ANKS1B: variants seen among roughly 807,000 people sequenced by gnomAD.
ANKS1B encodes the protein ankyrin repeat and sterile alpha motif domain containing 1B.
Under a neutral mutation model 148.3 loss-of-function variants are expected in ANKS1B, and 36 were observed. The observed-to-expected ratio is 0.24, with a 90% CI of 0.19 to 0.32. ANKS1B has a LOEUF of 0.32. Among genes scored for constraint, ANKS1B ranks in the 10% least tolerant of loss-of-function variants. The pLI, the probability that ANKS1B is intolerant of heterozygous loss-of-function variation, is 1.00. For missense variants in ANKS1B, 1,157 were observed against 1,542.6 expected (o/e 0.75, Z 4.19); for synonymous variants, 542 against 560.8 (o/e 0.97, Z 0.47).
At chr12:99,825,282 G>A (rs754127889) in intron 2 of ANKS1B, 27 bp downstream of exon 2, 4 of 1,580,762 alleles carry the variant, frequency 2.5e-6, no homozygotes, top group South Asian at 2.3e-5. Context: ...AAATACACAC[G>A]ATTCCGTCCA....
At chr12:99,308,108 G>C (rs1281855609) in intron 12 of ANKS1B, among the ~76,000 whole-genome samples, 1 of 152,022 alleles carries the variant, frequency 6.6e-6, no homozygotes, top group Non-Finnish European at 1.5e-5. Context: ...CCTGGAGGTA[G>C]CTATTTGTTT....
At chr12:98,878,732 C>T (rs1178218291) in intron 17 of ANKS1B, among the ~76,000 whole-genome samples, 4 of 152,078 alleles carry the variant, frequency 2.6e-5, no homozygotes, top group East Asian at 1.9e-4. Flanking sequence ...ATTAAACTGA[C>T]GGGAGGCATG....
In ANKS1B at chr12:98,850,145, C is replaced by G. The variant is rs536485333; in HGVS notation, c.2779-18009G>C. On this transcript the variant is annotated intron_variant, in intron 17 of 26. Transcript: ENST00000683438. ...ACACACTATTTAAAACTCTTATCTT[C>G]ATTAAATGAAAAAAAATCAATTTCA... Among the ~76,000 whole-genome samples, 29 of 152,160 alleles carry G rather than the reference C, an allele frequency of 1.9e-4. No individual in the cohort carries two copies. The East Asian group carries it at 5.6e-3, about 29-fold the overall frequency.
chr12:99,941,423 C>T (rs1015166266), intron 1 of ANKS1B, among the ~76,000 whole-genome samples: 2 of 149,146 alleles, frequency 1.3e-5, no homozygotes, highest in African/African-American at 4.9e-5. Context: ...TCAAAGATAA[C>T]AAGGACCTGA....
chr12:99,312,942 T>C (rs1394707076), intron 12 of ANKS1B, among the ~76,000 whole-genome samples: 2 of 151,542 alleles, frequency 1.3e-5, no homozygotes, highest in East Asian at 3.9e-4. Context: ...CTGAAGGAGA[T>C]GGAAACATGA....
Position 99,572,909 on chromosome 12 carries a change from G to A in ANKS1B, c.1273-68268C>T, listed in dbSNP as rs115712607. Among the ~76,000 whole-genome samples the A allele has an allele frequency of 3.9e-3, 586 of 151,652 alleles. 5 individuals are homozygous for A. The highest frequency in any genetic ancestry group is 0.013 in the African/African-American group (534 of 41,370). On this transcript the variant is annotated intron_variant, in intron 9 of 26. Transcript: ENST00000683438. Reference sequence around the variant, plus strand: ...ATATGTATCGTGTTTACATTCTTACGGTATATTTTGAATGTGTTACATCAT... The same window carrying A: ...ATATGTATCGTGTTTACATTCTTACAGTATATTTTGAATGTGTTACATCAT...
chr12:99,358,408 C>T (rs770246480), intron 12 of ANKS1B, among the ~76,000 whole-genome samples: 7 of 152,012 alleles, frequency 4.6e-5, no homozygotes, highest in Non-Finnish European at 7.4e-5. Flanking sequence ...CATGTTGATG[C>T]TTCCCCTATA....
intron 12 of ANKS1B, among the ~76,000 whole-genome samples, chr12:99,387,309 C>T (rs990444790): frequency 2.6e-5 from 4 of 152,096 alleles, no homozygotes; most frequent in Admixed American, 6.5e-5. Flanking sequence ...CTCATGAAGG[C>T]GATTAGTGCC....
chr12:99,392,487 T>C (rs570352229), intron 12 of ANKS1B, among the ~76,000 whole-genome samples: 5 of 152,250 alleles, frequency 3.3e-5, no homozygotes, highest in African/African-American at 7.2e-5. Context: ...TCTCCTCCCA[T>C]CAGTTTTCTC....
At chr12:98,769,766 C>T (rs1334920370) in intron 25 of ANKS1B, among the ~76,000 whole-genome samples, 2 of 152,000 alleles carry the variant, frequency 1.3e-5, no homozygotes, top group African/African-American at 4.8e-5. Context: ...TATATATTAC[C>T]TTAAAAACCA....
chr12:99,430,446 A>C (rs1398123456), intron 11 of ANKS1B, among the ~76,000 whole-genome samples: 1 of 152,238 alleles, frequency 6.6e-6, no homozygotes, highest in African/African-American at 2.4e-5. Flanking sequence ...ATGTCTGGCA[A>C]GTAAGTGTAG....
At chr12:98,836,302 T>C (rs920327103) in intron 17 of ANKS1B, among the ~76,000 whole-genome samples, 3 of 152,206 alleles carry the variant, frequency 2.0e-5, no homozygotes, top group African/African-American at 7.2e-5. Flanking sequence ...GCTTATAGCA[T>C]TGTTAAAGCT....
chr12:98,845,435 G>C (rs553566921), intron 17 of ANKS1B, among the ~76,000 whole-genome samples: 2 of 152,250 alleles, frequency 1.3e-5, no homozygotes, highest in South Asian at 4.1e-4. Context: ...AAAAGTGGCT[G>C]ATTATTTTTC....
chr12:99,322,682 T>A (rs912546288), intron 12 of ANKS1B, among the ~76,000 whole-genome samples: 1 of 152,108 alleles, frequency 6.6e-6, no homozygotes, highest in African/African-American at 2.4e-5. Context: ...TGCTCTGAAG[T>A]CACCCAACTT....
At chr12:99,790,833 A>G (rs923209263) in intron 4 of ANKS1B, among the ~76,000 whole-genome samples, 6 of 152,078 alleles carry the variant, frequency 3.9e-5, no homozygotes, top group Admixed American at 3.9e-4. Flanking sequence ...ACTAAAAGGA[A>G]GACAGGAAGA....
intron 4 of ANKS1B, among the ~76,000 whole-genome samples, chr12:99,801,450 G>C (rs1220829278): frequency 6.6e-6 from 1 of 152,184 alleles, no homozygotes; most frequent in Non-Finnish European, 1.5e-5. Flanking sequence ...AAGAGGAGAA[G>C]CAGGAATTGA....
chr12:98,897,076 C>T (rs1287641835), intron 17 of ANKS1B, among the ~76,000 whole-genome samples: 1 of 152,192 alleles, frequency 6.6e-6, no homozygotes, highest in Non-Finnish European at 1.5e-5. Context: ...GTCTGCACTA[C>T]CTCTAGAGAA....
intron 17 of ANKS1B, among the ~76,000 whole-genome samples, chr12:98,845,621 C>T (rs1222182402): frequency 6.6e-6 from 1 of 152,040 alleles, no homozygotes; most frequent in East Asian, 1.9e-4. Context: ...TTTCCAAATC[C>T]TTAATGCCAG....
intron 1 of ANKS1B, among the ~76,000 whole-genome samples, chr12:99,967,732 C>T (rs1743693699): frequency 6.6e-6 from 1 of 151,684 alleles, no homozygotes; most frequent in Non-Finnish European, 1.5e-5. Context: ...CATGGTGAAA[C>T]GCCGTCTCTA....
Sources: gnomAD v4.1 joint callset for allele counts (sites outside exome capture counted in the v4.1 genomes callset) on GRCh38, gnomAD v4.1.1 for gene constraint, MANE v1.5 for transcripts, NCBI Gene and HGNC (gene_info 2026-07-23, HGNC 2026-07-21) for gene names.